The following SEPTIN7 variants were observed in gnomAD, a reference collection of about 807,000 sequenced individuals.
The protein encoded by SEPTIN7 is septin-7.
SEPTIN7 carries 10 observed loss-of-function variants against 63.3 expected under a neutral mutation model. That is an observed-to-expected ratio of 0.16 (90% CI 0.10 to 0.27). The LOEUF (loss-of-function observed/expected upper bound fraction) is 0.27, where lower values mean the gene tolerates loss of function less well. SEPTIN7 is among the 10% of genes least tolerant of loss of function. The pLI is 1.00. For synonymous variants in SEPTIN7, 131 were observed against 165.3 expected (o/e 0.79, Z 1.59); for missense variants, 310 against 521.0 (o/e 0.59, Z 3.94).
chr7:35,883,588 C>T (rs1787035326), intron 8 of SEPTIN7, among the ~76,000 whole-genome samples: 1 of 142,972 alleles, frequency 7.0e-6, no homozygotes, highest in Non-Finnish European at 1.5e-5. Context: ...ACCTTTTATC[C>T]CCCCCCAGGT....
rs147328391 is a variant in SEPTIN7, at chr7:35,849,709, T to C, written c.170-13843T>C. 5.5e-3 allele frequency among the ~76,000 whole-genome samples: 845 copies of C among 152,366 alleles called. 2 individuals carry two copies. Among genetic ancestry groups the C allele is most frequent in the Non-Finnish European group, 8.7e-3 (589 of 68,036 alleles). The stretch of plus-strand genomic sequence containing the variant: ...TAAAGAAAAAATAAACCTCTACTTT[T>C]AAATTTCCCATCCAGTACTTAATTT... On this transcript the variant is annotated intron_variant, in intron 3 of 13. Coordinates refer to ENST00000350320, the MANE Select transcript of SEPTIN7 (RefSeq NM_001788.6).
chr7:35,871,220 T>A (rs1583595674), intron 4 of SEPTIN7, among the ~76,000 whole-genome samples: 1 of 152,338 alleles, frequency 6.6e-6, no homozygotes, highest in East Asian at 1.9e-4. Flanking sequence ...GAATTTGGCA[T>A]CTCATTTCTC....
Position 35,806,105 on chromosome 7 carries a change from G to A in SEPTIN7, c.61+4835G>A, listed in dbSNP as rs142490308. Among the ~76,000 whole-genome samples, 59 of 152,148 alleles carry A rather than the reference G, an allele frequency of 3.9e-4. 1 individual carries two copies. The highest frequency in any genetic ancestry group is 1.3e-4 in the Non-Finnish European group (9 of 68,026). On this transcript the variant is annotated intron_variant, in intron 1 of 13. Coordinates refer to ENST00000350320, the MANE Select transcript of SEPTIN7 (RefSeq NM_001788.6). ...CTACAGACATTGCCAAATGTCACGT[G>A]GGGGAGCAGAATCATCCTTGGTTGA...
At chr7:35,860,199 A>G (rs1048145036) in intron 3 of SEPTIN7, among the ~76,000 whole-genome samples, 18 of 151,760 alleles carry the variant, frequency 1.2e-4, no homozygotes, top group South Asian at 8.3e-4. Flanking sequence ...TACAGTCTCA[A>G]TTTTTTATAC....
rs1281140398 is a variant in SEPTIN7 at position 35,871,651 on chromosome 7, A to G, written c.277-1015A>G. ...TCTCTTCATGCATCAGGTAGCATCT[A>G]TAAAACATGCCAAAAGGAAGTAGGC... On this transcript the variant is annotated intron_variant, in intron 4 of 13. Transcript: ENST00000350320. Among the ~76,000 whole-genome samples, 4 of 152,318 alleles carry G rather than the reference A, an allele frequency of 2.6e-5. No individual in the cohort carries two copies. In the East Asian group the frequency reaches 7.7e-4, roughly 29 times the overall value.
chr7:35,915,432 A>G, the SEPTIN7 span, among the ~76,000 whole-genome samples: 6 of 152,364 alleles, frequency 3.9e-5, no homozygotes, highest in East Asian at 1.2e-3. Context: ...TAATTTTGCA[A>G]TTAAAAGGCA....
At chr7:35,823,617 T>C (rs1783347906) in intron 1 of SEPTIN7, among the ~76,000 whole-genome samples, 1 of 152,248 alleles carries the variant, frequency 6.6e-6, no homozygotes, top group Non-Finnish European at 1.5e-5. Flanking sequence ...TACTTTTGTG[T>C]ACCCTTCCTG....
chr7:35,858,280 C>T (rs973252585), intron 3 of SEPTIN7, among the ~76,000 whole-genome samples: 3 of 152,036 alleles, frequency 2.0e-5, no homozygotes, highest in African/African-American at 7.2e-5. Flanking sequence ...ATTTGAGTCT[C>T]TCTCTTTTAT....
At chr7:35,889,594 G>C (rs1374451342) in intron 10 of SEPTIN7, among the ~76,000 whole-genome samples, 3 of 151,970 alleles carry the variant, frequency 2.0e-5, no homozygotes, top group Non-Finnish European at 4.4e-5. Context: ...ACTCAGGATG[G>C]AGTGCAATGC....
chr7:35,894,357 C>T (rs1221935116), intron 11 of SEPTIN7, among the ~76,000 whole-genome samples: 2 of 152,004 alleles, frequency 1.3e-5, no homozygotes, highest in Non-Finnish European at 2.9e-5. Context: ...ATAGCCTTCT[C>T]CATCAGTCAT....
At chr7:35,830,173 A>G (rs1333804974) in intron 1 of SEPTIN7, among the ~76,000 whole-genome samples, 2 of 151,464 alleles carry the variant, frequency 1.3e-5, no homozygotes, top group Non-Finnish European at 2.9e-5. Flanking sequence ...ACACAGTGAA[A>G]TTCTGTCTCA....
chr7:35,869,569 A>G (rs1245220219), intron 4 of SEPTIN7, among the ~76,000 whole-genome samples: 4 of 152,350 alleles, frequency 2.6e-5, no homozygotes, highest in Non-Finnish European at 2.9e-5. Context: ...TCTTAATTAA[A>G]TAACATTTTT....
rs1399296001 is a variant in SEPTIN7 at position 35,906,836 on chromosome 7, T to C, written c.*2543T>C. The C allele has an allele frequency of 1.3e-5, 2 of 152,110 alleles. No individual in the cohort carries two copies. The highest frequency in any genetic ancestry group is 2.4e-5 in the African/African-American group (1 of 41,420). The allele number at this position is 152,110 out of a possible 1,614,324, so 9.4% of individuals were successfully genotyped here. A position where few individuals can be genotyped will look rare whatever the true frequency, so the allele number is the denominator to read the frequency against. On this transcript the variant is annotated 3_prime_UTR_variant, in exon 14 of 14. Transcript: ENST00000350320. ...ATATGTTTTGTCCTCTTGGAGAAACTAGGAGTAGAAGTCAGGATATGGTAG... is the reference window on the plus strand; with the variant it reads ...ATATGTTTTGTCCTCTTGGAGAAACCAGGAGTAGAAGTCAGGATATGGTAG...
intron 12 of SEPTIN7, 113 bp downstream of exon 12, chr7:35,898,496 A>G: frequency 4.6e-6 from 3 of 650,250 alleles, no homozygotes; most frequent in Non-Finnish European, 7.7e-6. Flanking sequence ...TTCAAAATTA[A>G]TACCCTAGTG....
intron 3 of SEPTIN7, among the ~76,000 whole-genome samples, chr7:35,858,902 ACTC>A (rs1785355645): frequency 6.9e-6 from 1 of 145,722 alleles, no homozygotes; most frequent in South Asian, 2.2e-4. Context: ...CTGGTCTTGA[ACTC>A]CTGACCTCAG....
In SEPTIN7 at chr7:35,879,948, G is replaced by T. The variant is rs1786726384; in HGVS notation, c.630+8G>T. On this transcript the variant is annotated splice_region_variant and intron_variant, in intron 7 of 13. Coordinates refer to ENST00000350320, the MANE Select transcript of SEPTIN7 (RefSeq NM_001788.6). ...CAACAGTTTAAAAAACAGGTGAGCAGGATGTGTTAACCCAGGTTTCTTATA... is the reference window on the plus strand; with the variant it reads ...CAACAGTTTAAAAAACAGGTGAGCATGATGTGTTAACCCAGGTTTCTTATA... 6 of 1,499,674 alleles carry T rather than the reference G, an allele frequency of 4.0e-6. No homozygotes were observed. The East Asian group carries it at 1.4e-4, about 35-fold the overall frequency. The allele number at this position is 1,499,674 out of a possible 1,614,324, so 92.9% of individuals were successfully genotyped here.
chr7:35,883,893 C>A lies in SEPTIN7; in HGVS notation c.726C>A (p.Asp242Glu), dbSNP rs1583620560. 6.3e-7 allele frequency: 1 copy of A among 1,584,570 alleles called. No individual in the cohort carries two copies. Among genetic ancestry groups the A allele is most frequent in the Non-Finnish European group, 8.6e-7 (1 of 1,156,518 alleles). ...EENKLVKKIKDRLPLAVVGSN... is the reference protein window; with the variant it reads ...EENKLVKKIKERLPLAVVGSN... ...AACAAGAATACTTTGTTTTATAGGA[C>A]CGTTTACCTCTTGCTGTGGTAGGTA... Residue 242 changes from aspartate (D) to glutamate (E), a missense_variant and splice_region_variant, in exon 9 of 14, where the codon GAC (aspartate) becomes GAA (glutamate). Asp to Glu is a conservative substitution (Grantham distance 45). This residue lies in a region of SEPTIN7 where 255 missense variants were observed against 490.5 expected (regional missense o/e 0.52). Transcript: ENST00000350320.
intron 4 of SEPTIN7, among the ~76,000 whole-genome samples, chr7:35,871,925 C>T (rs992558154): frequency 2.0e-5 from 3 of 152,156 alleles, no homozygotes; most frequent in African/African-American, 7.2e-5. Context: ...TCTTCTGATA[C>T]AGAGCTTGAG....
intron 1 of SEPTIN7, among the ~76,000 whole-genome samples, chr7:35,823,265 G>A (rs1165623744): frequency 6.6e-6 from 1 of 152,102 alleles, no homozygotes; most frequent in African/African-American, 2.4e-5. Flanking sequence ...ACAATAGCGT[G>A]ATCTTGGCTC....
Sources: allele counts gnomAD v4.1 joint callset (sites outside exome capture counted in the v4.1 genomes callset), GRCh38; gene constraint gnomAD v4.1.1; regional missense constraint gnomAD v4.1.1; transcripts MANE v1.5; gene names NCBI Gene and HGNC (gene_info 2026-07-23, HGNC 2026-07-21).